GTF3C4: variants seen among roughly 807,000 people sequenced by gnomAD.
The protein encoded by GTF3C4 is general transcription factor 3C polypeptide 4.
In GTF3C4, 28 loss-of-function variants were observed where a neutral mutation model predicts 67.5. The ratio of observed to expected loss-of-function variants is 0.41; its 90% CI spans 0.31 to 0.57. The LOEUF (loss-of-function observed/expected upper bound fraction) is 0.57, where lower values mean the gene tolerates loss of function less well. Among genes scored for constraint, GTF3C4 ranks in the 20% least tolerant of loss-of-function variants. The pLI, the probability that GTF3C4 is intolerant of heterozygous loss-of-function variation, is 0.21. For synonymous variants in GTF3C4, 409 were observed against 393.0 expected, an observed-to-expected ratio of 1.04 and a Z score of -0.48; for missense variants, 831 against 1,033.2, an observed-to-expected ratio of 0.80 and a Z score of 2.68.
chr9:132,685,248 T>C (rs1416997622), intron 3 of GTF3C4, among the ~76,000 whole-genome samples: 1 of 151,996 alleles, frequency 6.6e-6, no homozygotes, highest in Non-Finnish European at 1.5e-5. Context: ...CTTGAACTCC[T>C]GGGCTCAAGT....
rs375081797 is a variant in GTF3C4 at position 132,670,874 on chromosome 9, C to T, written c.276C>T (p.Ile92=). The T allele has an allele frequency of 2.5e-6, 4 of 1,612,370 alleles. No individual in the cohort carries two copies. The highest frequency in any genetic ancestry group is 1.3e-5 in the African/African-American group (1 of 74,942). Residue 92 remains isoleucine, a synonymous_variant, in exon 1 of 5, where the codon ATC becomes ATT. Transcript: ENST00000372146. The stretch of plus-strand genomic sequence containing the variant: ...GCAGCATCGCTGTGCTGGAGCTCAT[C>T]TGCGACGTGCACAACCCGGGCCAGG... The part of the protein sequence containing the change: ...TARSIAVLEL[I]CDVHNPGQDL...
At chr9:132,682,255 T>C (rs1423610861) in intron 2 of GTF3C4, among the ~76,000 whole-genome samples, 1 of 152,092 alleles carries the variant, frequency 6.6e-6, no homozygotes, top group South Asian at 2.1e-4. Flanking sequence ...TTCTTAAGAC[T>C]GAAAAGAAAA....
At position 132,688,875 on chromosome 9, in the gene GTF3C4, T is replaced by C. The variant is rs1564358847; in HGVS notation, c.2405-6T>C. ...ACAGTTGATACCACTTGTCCTCCTT[T>C]TGCAGATCCCGACTGGATTAAGAGG... On this transcript the variant is annotated splice_polypyrimidine_tract_variant and splice_region_variant and intron_variant, in intron 4 of 4. Coordinates refer to ENST00000372146, the MANE Select transcript of GTF3C4 (RefSeq NM_012204.4). The C allele has an allele frequency of 1.2e-6, 2 of 1,607,864 alleles. No individual in the cohort carries two copies. The highest frequency in any genetic ancestry group is 2.7e-5 in the African/African-American group (2 of 74,956).
At chr9:132,687,688 T>C (rs577407998) in intron 4 of GTF3C4, among the ~76,000 whole-genome samples, 4 of 152,366 alleles carry the variant, frequency 2.6e-5, no homozygotes, top group African/African-American at 9.6e-5. Flanking sequence ...TGATACTTTA[T>C]ACGAAGACAT....
intron 1 of GTF3C4, among the ~76,000 whole-genome samples, chr9:132,671,879 G>A (rs1166520255): frequency 6.6e-6 from 1 of 152,194 alleles, no homozygotes; most frequent in Non-Finnish European, 1.5e-5. Flanking sequence ...GTCAGGTAGT[G>A]ATAAGCACTG....
In GTF3C4 at chr9:132,679,430, C is replaced by T. The variant is rs370378462; in HGVS notation, c.1811C>T (p.Ser604Leu). The change falls in exon 2 of 5, where the codon TCA becomes TTA. Residue 604 changes from serine to leucine, a missense_variant. By Grantham distance (145) the Ser-to-Leu change is moderately radical. Coordinates refer to ENST00000372146, the MANE Select transcript of GTF3C4 (RefSeq NM_012204.4). This position sits in a 1 kb window ranked among gnomAD's most constrained non-coding sequence, Gnocchi z 5.9. ...TTGTGGAAACCCACCCATGAGGACT[C>T]AAAAATCTTACTAGTGGATTCGCCT... ...EALWKPTHED[S>L]KILLVDSPGM... 52 of 1,614,092 alleles carry T rather than the reference C, an allele frequency of 3.2e-5. No individual in the cohort carries two copies. Among genetic ancestry groups the T allele is most frequent in the Non-Finnish European group, 3.9e-5 (46 of 1,180,008 alleles).
rs117378713 is a variant in GTF3C4, at chr9:132,689,697, C to A, written c.*752C>A. On this transcript the variant is annotated 3_prime_UTR_variant, in exon 5 of 5. Coordinates refer to ENST00000372146, the MANE Select transcript of GTF3C4 (RefSeq NM_012204.4). Reference sequence around the variant, plus strand: ...GATGTCAAATACTGTAGTTCACCCACGCCACAGCCCTGCTTCAGACTTAAC... The same window carrying A: ...GATGTCAAATACTGTAGTTCACCCAAGCCACAGCCCTGCTTCAGACTTAAC... The A allele has an allele frequency of 0.013, 1,927 of 152,254 alleles. 10 individuals are homozygous for A. The highest frequency in any genetic ancestry group is 0.022 in the Non-Finnish European group (1,464 of 68,024). 9.4% of individuals were successfully genotyped at this position (152,254 alleles called of 1,614,324 possible). A position where few individuals can be genotyped will look rare whatever the true frequency, so the allele number is the denominator to read the frequency against.
rs532586127 is a variant in GTF3C4, at chr9:132,692,733, T to G, written c.*3788T>G. 50 of 152,336 alleles carry G rather than the reference T, an allele frequency of 3.3e-4. No homozygotes were observed. The highest frequency in any genetic ancestry group is 1.2e-3 in the African/African-American group (49 of 41,582). The allele number at this position is 152,336 out of a possible 1,614,324, so 9.4% of individuals were successfully genotyped here. On this transcript the variant is annotated 3_prime_UTR_variant, in exon 5 of 5. Coordinates refer to ENST00000372146, the MANE Select transcript of GTF3C4 (RefSeq NM_012204.4). ...GGGAGTGTCTCAAGAATGGAACCTT[T>G]GCCTTCAAGGTTGGGTCATCAAAAA...
Position 132,679,745 on chromosome 9 carries a change from C to T in GTF3C4, c.2126C>T (p.Thr709Ile), listed in dbSNP as rs1211535883. The T allele has an allele frequency of 6.2e-7, 1 of 1,613,890 alleles. No homozygotes were observed. Among genetic ancestry groups the T allele is most frequent in the East Asian group, 2.2e-5 (1 of 44,888 alleles). The change falls in exon 2 of 5, where the codon ACC becomes ATC. Residue 709 changes from threonine to isoleucine, a missense_variant. By Grantham distance (89) the Thr-to-Ile change is moderately conservative. Coordinates refer to ENST00000372146, the MANE Select transcript of GTF3C4 (RefSeq NM_012204.4). The surrounding 1 kb of genome is among the most constrained non-coding windows in gnomAD (Gnocchi z 5.9). ...ATCACAGAAAACACTAGCATCCCCA[C>T]CCGCGGACTCTGTAACTTTTTAATG... ...TWITENTSIP[T>I]RGLCNFLMSD... is the part of the protein sequence containing the mutation.
In GTF3C4 at chr9:132,679,545, A is replaced by G. The variant is rs1485723621; in HGVS notation, c.1926A>G (p.Glu642=). Residue 642 remains glutamate (E), a synonymous_variant, in exon 2 of 5, where the codon GAA becomes GAG. Transcript: ENST00000372146. The surrounding 1 kb of genome is among the most constrained non-coding windows in gnomAD (Gnocchi z 5.9). ...AAGGCCTGCAGGAGAGGAGCAAGGAAGGAGATGTAGAGGAGCCCACTGATG... is the reference window on the plus strand; with the variant it reads ...AAGGCCTGCAGGAGAGGAGCAAGGAGGGAGATGTAGAGGAGCCCACTGATG... ...VKQGLQERSK[E]GDVEEPTDDS... is the part of the protein sequence containing the mutation. The G allele has an allele frequency of 3.7e-6, 6 of 1,614,166 alleles. No homozygotes were observed. The South Asian group carries it at 6.6e-5, about 18-fold the overall frequency.
chr9:132,679,566 T>G lies in GTF3C4; in HGVS notation c.1947T>G (p.Thr649=). 6.2e-7 allele frequency: 1 copy of G among 1,614,126 alleles called. No homozygotes were observed. The highest frequency in any genetic ancestry group is 8.5e-7 in the Non-Finnish European group (1 of 1,180,016). The stretch of plus-strand genomic sequence containing the variant: ...AGGAAGGAGATGTAGAGGAGCCCAC[T>G]GATGACTCGCTCCCCACGACTGGAG... ...RSKEGDVEEP[T]DDSLPTTGDA... Residue 649 remains threonine, a synonymous_variant, in exon 2 of 5, where the codon ACT becomes ACG. Coordinates refer to ENST00000372146, the MANE Select transcript of GTF3C4 (RefSeq NM_012204.4). This position sits in a 1 kb window ranked among gnomAD's most constrained non-coding sequence, Gnocchi z 5.9.
intron 1 of GTF3C4, among the ~76,000 whole-genome samples, chr9:132,676,379 C>T (rs1229269183): frequency 1.4e-5 from 2 of 146,654 alleles, no homozygotes; most frequent in African/African-American, 2.5e-5. Context: ...AGTGCAGTGG[C>T]GCAATCTCGG....
In GTF3C4 at chr9:132,679,218, T is replaced by C. The variant is rs939710142; in HGVS notation, c.1599T>C (p.Leu533=). 4 of 1,614,126 alleles carry C rather than the reference T, an allele frequency of 2.5e-6. No homozygotes were observed. The African/African-American group carries it at 4.0e-5, about 16-fold the overall frequency. ...AQLLESSVQN[L]FKQVDLIDLV... ...TCCTGGAATCTTCAGTTCAAAACCT[T>C]TTTAAGCAGGTAGATTTAATAGACC... Residue 533 remains leucine (L), a synonymous_variant, in exon 2 of 5, where the codon CTT becomes CTC. Coordinates refer to ENST00000372146, the MANE Select transcript of GTF3C4 (RefSeq NM_012204.4). The surrounding 1 kb of genome is among the most constrained non-coding windows in gnomAD (Gnocchi z 5.9).
At chr9:132,670,082 A>G, upstream of GTF3C4, 6 of 1,560,934 alleles carry the variant, frequency 3.8e-6, no homozygotes, top group Non-Finnish European at 5.2e-6. Flanking sequence ...TCCCGAGGGG[A>G]GCCGGGGACG....
intron 3 of GTF3C4, among the ~76,000 whole-genome samples, chr9:132,686,426 T>TAACCTCTGCCTGCTTGGAGTCCCTTCCCC (rs1836028987): frequency 5.2e-5 from 4 of 77,548 alleles, no homozygotes; most frequent in Non-Finnish European, 1.4e-4. Flanking sequence ...TCCCTTCCCC[T>TAACCTCTGCCTGCTTGGAGTCCCTTCCCC]AACCTCTGCC....
chr9:132,675,606 C>T (rs141497021), intron 1 of GTF3C4, among the ~76,000 whole-genome samples: 237 of 152,268 alleles, frequency 1.6e-3, no homozygotes, highest in African/African-American at 5.5e-3. Context: ...CTTCCTGTGG[C>T]TCAGTAGGTC....
At position 132,689,187 on chromosome 9, in the gene GTF3C4, A is replaced by C. The variant is rs970188412; in HGVS notation, c.*242A>C. ...TTGGAGTCGTTTTGAGATGAGCATT[A>C]GCCCCAGCTTTGTAACCAATGAGGA... On this transcript the variant is annotated 3_prime_UTR_variant, in exon 5 of 5. Transcript: ENST00000372146. 2 of 508,976 alleles carry C rather than the reference A, an allele frequency of 3.9e-6. No homozygotes were observed. Among genetic ancestry groups the C allele is most frequent in the African/African-American group, 3.8e-5 (2 of 52,172 alleles). 31.5% of individuals were successfully genotyped at this position (508,976 alleles called of 1,614,324 possible).
At chr9:132,687,844 G>C (rs1224658077) in intron 4 of GTF3C4, among the ~76,000 whole-genome samples, 1 of 152,178 alleles carries the variant, frequency 6.6e-6, no homozygotes, top group Non-Finnish European at 1.5e-5. Flanking sequence ...AGATTGTAGA[G>C]TGGGCAGGAA....
Position 132,670,521 on chromosome 9 carries a change from G to T in GTF3C4, c.-78G>T, listed in dbSNP as rs1038524443. 4 of 1,164,638 alleles carry T rather than the reference G, an allele frequency of 3.4e-6. No individual in the cohort carries two copies. Among genetic ancestry groups the T allele is most frequent in the Non-Finnish European group, 4.6e-6 (4 of 876,850 alleles). 72.1% of individuals were successfully genotyped at this position (1,164,638 alleles called of 1,614,324 possible). On this transcript the variant is annotated 5_prime_UTR_variant, in exon 1 of 5. Transcript: ENST00000372146. ...GAAAACCGCCGCGGAGGGCGCTGGG[G>T]GTGGCGGCGGCGGTCCGGGAGGTGG...
Sources: gnomAD v4.1 joint callset for allele counts (sites outside exome capture counted in the v4.1 genomes callset) on GRCh38, gnomAD v4.1.1 for gene constraint, Gnocchi (gnomAD v3.1) non-coding constraint, MANE v1.5 for transcripts, NCBI Gene and HGNC (gene_info 2026-07-23, HGNC 2026-07-21) for gene names.